Variants in LRRTM4 observed in about 807,000 individuals in gnomAD.
LRRTM4 encodes leucine-rich repeat transmembrane neuronal protein 4.
Under a neutral mutation model 47.6 loss-of-function variants are expected in LRRTM4, and 25 were observed. The ratio of observed to expected loss-of-function variants is 0.53; its 90% CI spans 0.38 to 0.73. The LOEUF (loss-of-function observed/expected upper bound fraction) is 0.73. Among genes scored for constraint, LRRTM4 ranks in the 30% least tolerant of loss-of-function variants. LRRTM4 has a pLI of 0.00. For missense variants in LRRTM4, 638 were observed against 713.4 expected, an observed-to-expected ratio of 0.89 and a Z score of 1.20; for synonymous variants, 311 against 269.5, an observed-to-expected ratio of 1.15 and a Z score of -1.51.
At chr2:77,429,191 G>A (rs895751251) in intron 3 of LRRTM4, among the ~76,000 whole-genome samples, 2 of 151,980 alleles carry the variant, frequency 1.3e-5, no homozygotes, top group Admixed American at 1.3e-4. Context: ...CTCCAATGTG[G>A]GCAAGTGTGA....
intron 3 of LRRTM4, among the ~76,000 whole-genome samples, chr2:77,055,118 A>G (rs186299220): frequency 6.6e-6 from 1 of 152,304 alleles, no homozygotes; most frequent in Non-Finnish European, 1.5e-5. Flanking sequence ...TAGAGTTACC[A>G]CAACCCACAC....
chr2:77,049,423 A>G (rs1008006087), intron 3 of LRRTM4, among the ~76,000 whole-genome samples: 6 of 151,558 alleles, frequency 4.0e-5, no homozygotes, highest in Non-Finnish European at 7.4e-5. Flanking sequence ...CCAACAGTGT[A>G]TAAGTGTTCT....
At chr2:77,135,902 A>T (rs1452122023) in intron 3 of LRRTM4, among the ~76,000 whole-genome samples, 1 of 152,168 alleles carries the variant, frequency 6.6e-6, no homozygotes, top group Non-Finnish European at 1.5e-5. Flanking sequence ...ACAGTCTCAA[A>T]TGTAATTAAC....
chr2:76,990,995 C>A (rs978976088), intron 3 of LRRTM4, among the ~76,000 whole-genome samples: 33 of 151,842 alleles, frequency 2.2e-4, no homozygotes, highest in South Asian at 8.3e-4. Context: ...ACAAGAAGAT[C>A]TCTGTAAACC....
chr2:77,473,073 C>T, intron 3 of LRRTM4, among the ~76,000 whole-genome samples: 1 of 152,024 alleles, frequency 6.6e-6, no homozygotes. Flanking sequence ...GAACTAGAGT[C>T]AGAAAATATA....
At chr2:77,476,831 T>TCC (rs1677412561) in intron 3 of LRRTM4, among the ~76,000 whole-genome samples, 1 of 152,132 alleles carries the variant, frequency 6.6e-6, no homozygotes, top group Non-Finnish European at 1.5e-5. Flanking sequence ...ATGGTGGTAT[T>TCC]TTTTTAAGGA....
chr2:76,905,560 G>A (rs996781918), intron 3 of LRRTM4, among the ~76,000 whole-genome samples: 43 of 151,852 alleles, frequency 2.8e-4, no homozygotes, highest in Non-Finnish European at 5.4e-4. Flanking sequence ...AGCTACAGGA[G>A]GAAATTCAAA....
At chr2:77,126,080 T>C (rs552790164) in intron 3 of LRRTM4, among the ~76,000 whole-genome samples, 114 of 151,958 alleles carry the variant, frequency 7.5e-4, no homozygotes, top group African/African-American at 2.7e-3. Flanking sequence ...TGCAATAAGA[T>C]ATTAAAATAA....
intron 3 of LRRTM4, among the ~76,000 whole-genome samples, chr2:77,086,341 T>C (rs978959775): frequency 1.9e-4 from 29 of 152,292 alleles, no homozygotes; most frequent in Admixed American, 7.2e-4. Context: ...CTCCAAAGTT[T>C]ATGCTTTTCA....
chr2:77,086,385 A>AT (rs560342671), intron 3 of LRRTM4, among the ~76,000 whole-genome samples: 1 of 147,148 alleles, frequency 6.8e-6, no homozygotes, highest in South Asian at 2.1e-4. Flanking sequence ...AATTTTGCAT[A>AT]TTTTTTACTT....
chr2:77,176,681 C>A (rs555878318), intron 3 of LRRTM4, among the ~76,000 whole-genome samples: 5 of 152,240 alleles, frequency 3.3e-5, no homozygotes, highest in East Asian at 3.9e-4. Flanking sequence ...ATAATAAACT[C>A]TTTTATCTAC....
At chr2:77,320,653 T>C (rs1677761263) in intron 3 of LRRTM4, among the ~76,000 whole-genome samples, 1 of 152,096 alleles carries the variant, frequency 6.6e-6, no homozygotes, top group Admixed American at 6.6e-5. Context: ...TAAGAACAAA[T>C]GTTAATAAAG....
intron 3 of LRRTM4, among the ~76,000 whole-genome samples, chr2:77,154,309 G>A (rs1466276242): frequency 6.6e-6 from 1 of 152,082 alleles, no homozygotes; most frequent in Non-Finnish European, 1.5e-5. Flanking sequence ...CTGTGCATTT[G>A]AGTACTCAAT....
At chr2:76,937,696 G>A (rs886480609) in intron 3 of LRRTM4, among the ~76,000 whole-genome samples, 2 of 152,124 alleles carry the variant, frequency 1.3e-5, no homozygotes, top group Non-Finnish European at 2.9e-5. Flanking sequence ...AGCCTCCTGA[G>A]TAGCTGGGAT....
At chr2:77,049,336 G>C (rs1679349361) in intron 3 of LRRTM4, among the ~76,000 whole-genome samples, 1 of 151,092 alleles carries the variant, frequency 6.6e-6, no homozygotes, top group Non-Finnish European at 1.5e-5. Flanking sequence ...CCAGTGGTGA[G>C]ACTGTTGGAT....
chr2:76,761,992 T>G (rs749376833), intron 3 of LRRTM4, among the ~76,000 whole-genome samples: 1 of 152,198 alleles, frequency 6.6e-6, no homozygotes, highest in Non-Finnish European at 1.5e-5. Flanking sequence ...TAGGAGGAGA[T>G]GATCTGTATG....
At chr2:77,355,049 A>G (rs1416874714) in intron 3 of LRRTM4, among the ~76,000 whole-genome samples, 3 of 152,236 alleles carry the variant, frequency 2.0e-5, no homozygotes, top group Non-Finnish European at 2.9e-5. Flanking sequence ...ACTATTGAAT[A>G]TGAGAAAGAA....
At chr2:76,759,938 T>G (rs902318500) in intron 3 of LRRTM4, among the ~76,000 whole-genome samples, 1 of 152,218 alleles carries the variant, frequency 6.6e-6, no homozygotes, top group Non-Finnish European at 1.5e-5. Flanking sequence ...TTAAATATTC[T>G]TAATGATGCT....
intron 3 of LRRTM4, among the ~76,000 whole-genome samples, chr2:77,253,822 G>GA (rs143203795): frequency 0.12 from 18,683 of 151,896 alleles, 3,851 homozygotes; most frequent in African/African-American, 0.42. Flanking sequence ...CTGAACAACA[G>GA]AAAAAAATAC....
Sources: allele counts gnomAD v4.1 joint callset (sites outside exome capture counted in the v4.1 genomes callset), GRCh38; gene constraint gnomAD v4.1.1; transcripts MANE v1.5; gene names NCBI Gene and HGNC (gene_info 2026-07-23, HGNC 2026-07-21).